Variants in EFCAB7 observed in about 807,000 individuals in gnomAD.
The protein encoded by EFCAB7 is EF-hand calcium binding domain 7.
A neutral mutation model predicts 77.1 loss-of-function variants in EFCAB7; 66 were observed. The ratio of observed to expected loss-of-function variants is 0.86; its 90% confidence interval spans 0.70 to 1.05. The LOEUF (loss-of-function observed/expected upper bound fraction) is 1.05, where lower values mean the gene tolerates loss of function less well. EFCAB7 is among the 50% of genes least tolerant of loss of function. EFCAB7 has a pLI of 0.00. For synonymous variants in EFCAB7, 225 were observed against 243.3 expected (o/e 0.92, Z 0.70); for missense variants, 638 against 730.5 (o/e 0.87, Z 1.46).
At chr1:63,566,511 G>GA (rs1281335659) in intron 11 of EFCAB7, among the ~76,000 whole-genome samples, 1 of 151,566 alleles carries the variant, frequency 6.6e-6, no homozygotes, top group Non-Finnish European at 1.5e-5. Context: ...TAAAAAAAAA[G>GA]AAAAAAAATT....
At chr1:63,549,471 C>T (rs545914055) in intron 7 of EFCAB7, 84 of 462,318 alleles carry the variant, frequency 1.8e-4, no homozygotes, top group African/African-American at 1.7e-3. Flanking sequence ...CAGAGGACTA[C>T]AGGAGAGTAT....
chr1:63,529,180 A>G (rs1646649795), intron 2 of EFCAB7: 1 of 152,238 alleles, frequency 6.6e-6, no homozygotes, highest in Admixed American at 6.5e-5. Context: ...CGACATCCAA[A>G]ATAAAACTGT....
chr1:63,578,282 GATCA>G, the EFCAB7 span, among the ~76,000 whole-genome samples: 1 of 152,156 alleles, frequency 6.6e-6, no homozygotes, highest in Non-Finnish European at 1.5e-5. Flanking sequence ...ATAAGCAATA[GATCA>G]ATCATATATA....
In EFCAB7 at chr1:63,533,581, C is replaced by A; in HGVS notation, c.614C>A (p.Pro205Gln). Residue 205 changes from proline (P) to glutamine (Q), a missense_variant, in exon 5 of 14, where the codon CCA (proline) becomes CAA (glutamine). Coordinates refer to ENST00000371088, the MANE Select transcript of EFCAB7 (RefSeq NM_032437.4). ...ATCGAAGGGTCCCCTGAAAGGGACCCATCACCAGTACCAAAACCATCACCT... is the reference window on the plus strand; with the variant it reads ...ATCGAAGGGTCCCCTGAAAGGGACCAATCACCAGTACCAAAACCATCACCT... ...NHIEGSPERD[P>Q]SPVPKPSPKI... 1 of 1,609,612 alleles carries A rather than the reference C, an allele frequency of 6.2e-7. No individual in the cohort carries two copies.
At chr1:63,538,801 C>T (rs1317863001) in intron 6 of EFCAB7, among the ~76,000 whole-genome samples, 2 of 152,138 alleles carry the variant, frequency 1.3e-5, no homozygotes, top group Non-Finnish European at 2.9e-5. Context: ...ATAACTCTGG[C>T]AGATCTTAAG....
At chr1:63,530,023 G>T (rs753965898) in intron 2 of EFCAB7, 1 of 152,142 alleles carries the variant, frequency 6.6e-6, no homozygotes, top group Non-Finnish European at 1.5e-5. Context: ...CAAATTACAG[G>T]TGTGAGCCAC....
the EFCAB7 span, among the ~76,000 whole-genome samples, chr1:63,583,906 C>G: frequency 7.5e-6 from 1 of 133,034 alleles, no homozygotes; most frequent in African/African-American, 3.0e-5. Context: ...TATGACAGAC[C>G]TAATCAAAGA....
chr1:63,525,686 T>A lies in EFCAB7; in HGVS notation c.114T>A (p.Asn38Lys). 6.2e-7 allele frequency: 1 copy of A among 1,603,072 alleles called. No homozygotes were observed. The highest frequency in any genetic ancestry group is 2.3e-5 in the East Asian group (1 of 44,336). The change falls in exon 2 of 14, where the codon AAT (asparagine) becomes AAA (lysine). Residue 38 changes from asparagine (N) to lysine (K), a missense_variant. Transcript: ENST00000371088. ...PLTEEEIFYMNCRAAYLTVFK... is the reference protein window; with the variant it reads ...PLTEEEIFYMKCRAAYLTVFK... ...CTGAAGAGGAAATATTTTATATGAATTGTAGAGCTGCCTACTTAACTGTCT... is the reference window on the plus strand; with the variant it reads ...CTGAAGAGGAAATATTTTATATGAAATGTAGAGCTGCCTACTTAACTGTCT...
intron 7 of EFCAB7, chr1:63,548,140 G>A (rs1646921590): frequency 6.6e-6 from 1 of 152,420 alleles, no homozygotes; most frequent in South Asian, 2.1e-4. Context: ...GAGTATTCCA[G>A]GTAGACAGAA....
chr1:63,571,112 G>A lies in EFCAB7; in HGVS notation c.1799G>A (p.Gly600Glu). The A allele has an allele frequency of 6.2e-7, 1 of 1,607,262 alleles. No individual in the cohort carries two copies. Among genetic ancestry groups the A allele is most frequent in the Non-Finnish European group, 8.5e-7 (1 of 1,176,392 alleles). ...CTCAACATATTTGCAGTAGAAGTGG[G>A]ACCCAAATCTACAATGGTAATGTAT... ...RGLNIFAVEV[G>E]PKSTMVCQHV... The change falls in exon 13 of 14, where the codon GGA becomes GAA. Residue 600 changes from glycine (G) to glutamate (E), a missense_variant. Physicochemically the swap from Gly to Glu is moderately conservative, Grantham distance 98. Coordinates refer to ENST00000371088, the MANE Select transcript of EFCAB7 (RefSeq NM_032437.4).
chr1:63,577,319 T>C (rs1188895053), downstream of EFCAB7, among the ~76,000 whole-genome samples: 1 of 152,202 alleles, frequency 6.6e-6, no homozygotes, highest in Admixed American at 6.5e-5. Context: ...TAATACATAT[T>C]CTTAATTGTA....
the EFCAB7 span, among the ~76,000 whole-genome samples, chr1:63,582,179 T>C: frequency 6.6e-6 from 1 of 152,220 alleles, no homozygotes; most frequent in African/African-American, 2.4e-5. Flanking sequence ...TCTTATGTAT[T>C]TTTCATTGTA....
chr1:63,534,358 C>T, intron 6 of EFCAB7, 142 bp downstream of exon 6: 1 of 616,496 alleles, frequency 1.6e-6, no homozygotes, highest in Non-Finnish European at 2.7e-6. Flanking sequence ...TACCTGTAAG[C>T]TAGTGTAATA....
chr1:63,534,560 A>G (rs557763889), intron 6 of EFCAB7, among the ~76,000 whole-genome samples: 3 of 152,238 alleles, frequency 2.0e-5, no homozygotes, highest in Non-Finnish European at 2.9e-5. Context: ...AATTCCTGTG[A>G]GAGAATGACA....
chr1:63,560,209 C>T (rs894860500), intron 10 of EFCAB7, among the ~76,000 whole-genome samples: 1 of 152,132 alleles, frequency 6.6e-6, no homozygotes, highest in African/African-American at 2.4e-5. Flanking sequence ...GCCTCAGCCT[C>T]CCAAAGTGCT....
At chr1:63,542,649 C>A (rs1445705641) in intron 6 of EFCAB7, among the ~76,000 whole-genome samples, 3 of 152,050 alleles carry the variant, frequency 2.0e-5, no homozygotes, top group Non-Finnish European at 4.4e-5. Flanking sequence ...AATAGGTATC[C>A]TAATGGGTGT....
rs1394007137 is a variant in EFCAB7 at position 63,546,121 on chromosome 1, G to GT, written c.946+65dup. 14 of 1,527,890 alleles carry GT rather than the reference G, an allele frequency of 9.2e-6. No individual in the cohort carries two copies. In the Admixed American group the frequency reaches 2.6e-4, roughly 28 times the overall value. 94.6% of individuals were successfully genotyped at this position (1,527,890 alleles called of 1,614,324 possible). A position where few individuals can be genotyped will look rare whatever the true frequency, so the allele number is the denominator to read the frequency against. On this transcript the variant is annotated intron_variant, in intron 7 of 13. Coordinates refer to ENST00000371088, the MANE Select transcript of EFCAB7 (RefSeq NM_032437.4). ...TTGTACCCTCCTTGAAAGTACTTAT[G>GT]TAAGTATTCCATAGTCCTAGTTAGG...
At chr1:63,551,506 G>A (rs544441237) in intron 7 of EFCAB7, among the ~76,000 whole-genome samples, 110 of 152,140 alleles carry the variant, frequency 7.2e-4, no homozygotes, top group African/African-American at 2.5e-3. Context: ...CAGGAGAATC[G>A]CTTGAACCCG....
chr1:63,555,451 A>G lies in EFCAB7; in HGVS notation c.1150A>G (p.Thr384Ala), dbSNP rs1183930572. Residue 384 changes from threonine to alanine, a missense_variant, in exon 9 of 14, where the codon ACA becomes GCA. Transcript: ENST00000371088. ...GCTGAGGAAAAAAATAAAACCAGTAACAGATGAAGCCCAACTTGTATATAG... is the reference window on the plus strand; with the variant it reads ...GCTGAGGAAAAAAATAAAACCAGTAGCAGATGAAGCCCAACTTGTATATAG... ...CRLRKKIKPV[T>A]DEAQLVYRDE... 6.2e-7 allele frequency: 1 copy of G among 1,614,058 alleles called. No individual in the cohort carries two copies. Among genetic ancestry groups the G allele is most frequent in the Non-Finnish European group, 8.5e-7 (1 of 1,179,970 alleles).
Sources: allele counts gnomAD v4.1 joint callset (sites outside exome capture counted in the v4.1 genomes callset), GRCh38; gene constraint gnomAD v4.1.1; transcripts MANE v1.5; gene names NCBI Gene and HGNC (gene_info 2026-07-23, HGNC 2026-07-21).